The following DCUN1D2 variants were observed in gnomAD, a reference collection of about 807,000 sequenced individuals.
DCUN1D2 encodes DCN1-like protein 2.
Under a neutral mutation model 30.9 loss-of-function variants are expected in DCUN1D2, and 29 were observed. The observed-to-expected ratio is 0.94, with a 90% CI of 0.70 to 1.28. The LOEUF is 1.28. Among genes scored for constraint, DCUN1D2 ranks in the 50% most tolerant of loss-of-function variants. The probability of loss-of-function intolerance (pLI) is 0.00; values close to 1 mark genes in which losing one functional copy is unlikely to be tolerated. For missense variants in DCUN1D2, 325 were observed against 316.9 expected, an observed-to-expected ratio of 1.03 and a Z score of -0.19; for synonymous variants, 121 against 115.3, an observed-to-expected ratio of 1.05 and a Z score of -0.32.
At chr13:113,469,021 C>G (rs1436400101) in intron 4 of DCUN1D2, 1 of 152,284 alleles carries the variant, frequency 6.6e-6, no homozygotes, top group Non-Finnish European at 1.5e-5. Flanking sequence ...TGCCTGGGAG[C>G]AGAACAGGCT....
chr13:113,461,094 C>G lies in DCUN1D2; in HGVS notation c.563G>C (p.Gly188Ala), dbSNP rs1471181514. The change falls in exon 5 of 7, where the codon GGA (glycine) becomes GCA (alanine). Residue 188 changes from glycine to alanine, a missense_variant. Coordinates refer to ENST00000478244, the MANE Select transcript of DCUN1D2 (RefSeq NM_001014283.2). ...AVAYWKLVLSGRFKFLDLWNT... is the reference protein window; with the variant it reads ...AVAYWKLVLSARFKFLDLWNT... ...CCAGAGATCTAAAAATTTAAACCTT[C>G]CAGATAACACTAATTTCCAATACGC... The G allele has an allele frequency of 1.2e-6, 2 of 1,611,278 alleles. No individual in the cohort carries two copies. Among genetic ancestry groups the G allele is most frequent in the South Asian group, 2.2e-5 (2 of 90,722 alleles).
At chr13:113,473,247 T>C (rs2044555633) in intron 4 of DCUN1D2, among the ~76,000 whole-genome samples, 1 of 152,094 alleles carries the variant, frequency 6.6e-6, no homozygotes, top group Non-Finnish European at 1.5e-5. Context: ...TCTGCCTCTG[T>C]GCCTGTTCCT....
intron 3 of DCUN1D2, among the ~76,000 whole-genome samples, chr13:113,478,305 T>G (rs2044651489): frequency 1.3e-5 from 2 of 152,120 alleles, no homozygotes; most frequent in Admixed American, 1.3e-4. Context: ...CGTTGTCAAA[T>G]TTACTGGCAT....
chr13:113,474,340 G>A (rs2044575386), intron 3 of DCUN1D2, 86 bp from the exon 4 acceptor site: 1 of 1,525,738 alleles, frequency 6.6e-7, no homozygotes, highest in Non-Finnish European at 8.9e-7. Flanking sequence ...ACTGTGACCA[G>A]GCACGCAGCT....
intron 6 of DCUN1D2, among the ~76,000 whole-genome samples, chr13:113,459,013 G>A (rs2044274265): frequency 6.6e-6 from 1 of 152,180 alleles, no homozygotes; most frequent in Non-Finnish European, 1.5e-5. Context: ...GCATCATGCG[G>A]GACTGAGAAT....
intron 4 of DCUN1D2, among the ~76,000 whole-genome samples, chr13:113,469,581 T>C (rs1321266186): frequency 6.6e-6 from 1 of 152,150 alleles, no homozygotes; most frequent in East Asian, 1.9e-4. Flanking sequence ...GCTGGGAGGC[T>C]GAGGTGGGAG....
At chr13:113,458,134 AC>A (rs1188935901) in intron 6 of DCUN1D2, 26 bp from the exon 7 acceptor site, 1 of 1,601,312 alleles carries the variant, frequency 6.2e-7, no homozygotes. Context: ...CAAACAGAAA[AC>A]CCGTTAGAGC....
chr13:113,469,293 T>C (rs2044464008), intron 4 of DCUN1D2, among the ~76,000 whole-genome samples: 1 of 152,056 alleles, frequency 6.6e-6, no homozygotes, highest in African/African-American at 2.4e-5. Context: ...TCAAATCCCA[T>C]ACAATGCTAT....
At chr13:113,483,616 G>C (rs1225800941) in intron 2 of DCUN1D2, among the ~76,000 whole-genome samples, 2 of 152,164 alleles carry the variant, frequency 1.3e-5, no homozygotes, top group Non-Finnish European at 1.5e-5. Flanking sequence ...CTGCCCCATC[G>C]CTGACTCCAC....
chr13:113,484,291 G>T, intron 1 of DCUN1D2: 1 of 841,058 alleles, frequency 1.2e-6, no homozygotes, highest in South Asian at 1.9e-5. Flanking sequence ...AATACATTCT[G>T]ATCTCTATCC....
At chr13:113,462,203 G>A (rs1251238862) in intron 4 of DCUN1D2, among the ~76,000 whole-genome samples, 1 of 150,232 alleles carries the variant, frequency 6.7e-6, no homozygotes, top group Non-Finnish European at 1.5e-5. Context: ...GGTGAGCCGA[G>A]ATTGCGCCAC....
chr13:113,462,875 G>C lies in DCUN1D2; in HGVS notation c.521-1739C>G, dbSNP rs1257725189. 5 of 1,259,110 alleles carry C rather than the reference G, an allele frequency of 4.0e-6. No individual in the cohort carries two copies. The Admixed American group carries it at 1.3e-4, about 33-fold the overall frequency. 78.0% of individuals were successfully genotyped at this position (1,259,110 alleles called of 1,614,324 possible). On this transcript the variant is annotated intron_variant, in intron 4 of 6. Transcript: ENST00000478244. ...CTTAATGATGTAAAGCTTTCACATT[G>C]AGAAATGGAGGTGAACCTGGGGAGG...
At chr13:113,489,793 C>T (rs1025496233) in intron 1 of DCUN1D2, among the ~76,000 whole-genome samples, 1 of 152,132 alleles carries the variant, frequency 6.6e-6, no homozygotes, top group African/African-American at 2.4e-5. Context: ...CAGAGAAATT[C>T]TCCACAGTTC....
At position 113,474,120 on chromosome 13, in the gene DCUN1D2, T is replaced by G; in HGVS notation, c.520+4A>C. ...CATTTTACGTATTTGGATTTCATACTCACCTAAACCTTTCTGCCCTGGGTT... is the reference window on the plus strand; with the variant it reads ...CATTTTACGTATTTGGATTTCATACGCACCTAAACCTTTCTGCCCTGGGTT... On this transcript the variant is annotated splice_donor_region_variant and intron_variant, in intron 4 of 6. Transcript: ENST00000478244. 1 of 1,610,226 alleles carries G rather than the reference T, an allele frequency of 6.2e-7. No homozygotes were observed. Among genetic ancestry groups the G allele is most frequent in the Non-Finnish European group, 8.5e-7 (1 of 1,177,242 alleles).
At chr13:113,490,904 T>A (rs1055914822), upstream of DCUN1D2, 2 of 246,402 alleles carry the variant, frequency 8.1e-6, no homozygotes, top group Non-Finnish European at 1.5e-5. This position sits in a 1 kb window ranked among gnomAD's most constrained non-coding sequence, Gnocchi z 5.2. Context: ...CCCTGCGGGG[T>A]CCAACGCCAG....
At chr13:113,465,878 TATAG>T (rs112964363) in intron 4 of DCUN1D2, among the ~76,000 whole-genome samples, 17 of 151,738 alleles carry the variant, frequency 1.1e-4, no homozygotes, top group South Asian at 2.1e-4. Context: ...GACAGATATA[TATAG>T]ATAGATAGAT....
intron 3 of DCUN1D2, 134 bp downstream of exon 3, chr13:113,480,439 TAC>T: frequency 1.2e-6 from 1 of 838,210 alleles, no homozygotes; most frequent in East Asian, 2.6e-5. Context: ...GTGCGGAGAG[TAC>T]AGACGCATAA....
Position 113,461,098 on chromosome 13 carries a change from A to G in DCUN1D2, c.559T>C (p.Ser187Pro). ...MAVAYWKLVL[S>P]GRFKFLDLWN... ...AGATCTAAAAATTTAAACCTTCCAG[A>G]TAACACTAATTTCCAATACGCAACA... The change falls in exon 5 of 7, where the codon TCT becomes CCT. Residue 187 changes from serine (S) to proline (P), a missense_variant. Ser to Pro is a moderately conservative substitution (Grantham distance 74). Transcript: ENST00000478244. 1 of 1,611,626 alleles carries G rather than the reference A, an allele frequency of 6.2e-7. No homozygotes were observed. Among genetic ancestry groups the G allele is most frequent in the Non-Finnish European group, 8.5e-7 (1 of 1,178,372 alleles).
intron 1 of DCUN1D2, among the ~76,000 whole-genome samples, chr13:113,486,380 A>G (rs1440683299): frequency 1.3e-5 from 2 of 152,068 alleles, no homozygotes; most frequent in African/African-American, 4.8e-5. Flanking sequence ...TCCCAAAACT[A>G]CCCACCGGCT....
Sources: allele counts gnomAD v4.1 joint callset (sites outside exome capture counted in the v4.1 genomes callset), GRCh38; gene constraint gnomAD v4.1.1; non-coding constraint Gnocchi (gnomAD v3.1); transcripts MANE v1.5; gene names NCBI Gene and HGNC (gene_info 2026-07-23, HGNC 2026-07-21).